The following FSD2 variants were observed in gnomAD, a reference collection of about 807,000 sequenced individuals.
FSD2 encodes the protein fibronectin type III and SPRY domain-containing protein 2.
Under a neutral mutation model 80.4 loss-of-function variants are expected in FSD2, and 71 were observed. That is an observed-to-expected ratio of 0.88 (90% CI 0.73 to 1.08). The LOEUF (loss-of-function observed/expected upper bound fraction) is 1.08, where lower values mean the gene tolerates loss of function less well. FSD2 is among the 50% of genes least tolerant of loss of function. The pLI is 0.00. For missense variants in FSD2, 923 were observed against 913.8 expected (o/e 1.01, Z -0.13); for synonymous variants, 361 against 329.5 (o/e 1.10, Z -1.03).
At chr15:82,770,752 T>C (rs543326302) in intron 7 of FSD2, among the ~76,000 whole-genome samples, 11 of 152,264 alleles carry the variant, frequency 7.2e-5, no homozygotes, top group Admixed American at 7.2e-4. Flanking sequence ...GGGGTTTGGT[T>C]ATGCAGCAAA....
rs2049242059 is a variant in FSD2 at position 82,759,574 on chromosome 15, C to G, written c.2024G>C (p.Arg675Thr). 1.3e-6 allele frequency: 2 copies of G among 1,594,922 alleles called. No individual in the cohort carries two copies. Among genetic ancestry groups the G allele is most frequent in the South Asian group, 1.1e-5 (1 of 88,034 alleles). Residue 675 changes from arginine to threonine, a missense_variant, in exon 13 of 13, where the codon AGA becomes ACA. Transcript: ENST00000334574. ...TGTTATTCTTATATCTGGAGTTGTT[C>G]TGTTGTGCAGAAATTCATACTTATG... ...SRHKYEFLHN[R>T]TTPDIRITVP...
At chr15:82,780,165 C>T in intron 5 of FSD2, 80 bp downstream of exon 5, 3 of 1,004,014 alleles carry the variant, frequency 3.0e-6, no homozygotes, top group South Asian at 3.1e-5. Flanking sequence ...AACCGTATAA[C>T]CAAATGGAAC....
At chr15:82,769,239 G>GT (rs1489350905) in intron 8 of FSD2, among the ~76,000 whole-genome samples, 1 of 152,198 alleles carries the variant, frequency 6.6e-6, no homozygotes, top group Non-Finnish European at 1.5e-5. Flanking sequence ...GAGAGTAGCA[G>GT]TTTTTTATAT....
At chr15:82,763,138 C>G (rs1390661122) in intron 11 of FSD2, among the ~76,000 whole-genome samples, 2 of 152,342 alleles carry the variant, frequency 1.3e-5, no homozygotes, top group South Asian at 4.1e-4. Context: ...TCCAGACTCA[C>G]ATTTCCACTT....
At chr15:82,772,249 A>C (rs1176543265) in intron 6 of FSD2, 21 bp from the exon 7 acceptor site, 1 of 1,594,434 alleles carries the variant, frequency 6.3e-7, no homozygotes, top group African/African-American at 1.3e-5. Flanking sequence ...AAAAGAAAAA[A>C]GAAGAGGAAC....
chr15:82,790,899 A>G (rs1202099769), intron 1 of FSD2, among the ~76,000 whole-genome samples: 1 of 150,856 alleles, frequency 6.6e-6, no homozygotes, highest in African/African-American at 2.4e-5. Context: ...GTGTTTTATT[A>G]ATTCTTTTTT....
chr15:82,797,671 G>A (rs977628901), intron 1 of FSD2, among the ~76,000 whole-genome samples: 4 of 152,104 alleles, frequency 2.6e-5, no homozygotes, highest in Non-Finnish European at 2.9e-5. Context: ...TTAGCCGGGC[G>A]TGGTGGCGGG....
chr15:82,779,770 T>G (rs141019261), intron 5 of FSD2, among the ~76,000 whole-genome samples: 1 of 152,312 alleles, frequency 6.6e-6, no homozygotes, highest in East Asian at 1.9e-4. Context: ...GGACATTTAT[T>G]TTATTTGATT....
intron 1 of FSD2, among the ~76,000 whole-genome samples, chr15:82,794,326 T>C (rs1596260545): frequency 6.6e-6 from 1 of 152,220 alleles, no homozygotes; most frequent in Non-Finnish European, 1.5e-5. Flanking sequence ...TTGCATTCCA[T>C]TGCGACCAGA....
chr15:82,762,805 G>C (rs1431741166), intron 11 of FSD2, among the ~76,000 whole-genome samples: 1 of 152,118 alleles, frequency 6.6e-6, no homozygotes, highest in African/African-American at 2.4e-5. Context: ...GTTGCACTGG[G>C]AACAATTATA....
intron 1 of FSD2, among the ~76,000 whole-genome samples, chr15:82,800,809 G>A (rs1201704922): frequency 2.6e-5 from 4 of 151,244 alleles, no homozygotes; most frequent in Non-Finnish European, 4.4e-5. Context: ...CTCCTATTTC[G>A]GGGGTCTAGG....
At position 82,769,785 on chromosome 15, in the gene FSD2, G is replaced by C. The variant is rs1307534725; in HGVS notation, c.1367C>G (p.Pro456Arg). 7 of 1,613,814 alleles carry C rather than the reference G, an allele frequency of 4.3e-6. No homozygotes were observed. The Admixed American group carries it at 1.0e-4, about 23-fold the overall frequency. Residue 456 changes from proline (P) to arginine (R), a missense_variant, in exon 8 of 13, where the codon CCC becomes CGC. Pro to Arg is a moderately radical substitution (Grantham distance 103). Transcript: ENST00000334574. ...CACTGCACGCTCGCTAGAGGGGCTG[G>C]GGCCAGCCCTGTTGTGAGCTGTGAC... is the stretch of plus-strand genomic sequence containing the variant. ...FWVTAHNRAG[P>R]SPSSERAVYM...
chr15:82,775,072 G>C (rs2049682675), intron 6 of FSD2, among the ~76,000 whole-genome samples: 1 of 151,298 alleles, frequency 6.6e-6, no homozygotes, highest in African/African-American at 2.4e-5. Context: ...CCTACTCAAA[G>C]CTCAGGGGGT....
At chr15:82,803,811 A>G (rs1187613047) in intron 1 of FSD2, among the ~76,000 whole-genome samples, 1 of 152,042 alleles carries the variant, frequency 6.6e-6, no homozygotes, top group Non-Finnish European at 1.5e-5. Flanking sequence ...CTGCTCCCCA[A>G]GATCACTGCC....
chr15:82,797,926 T>G (rs2050317245), intron 1 of FSD2, among the ~76,000 whole-genome samples: 1 of 152,188 alleles, frequency 6.6e-6, no homozygotes, highest in South Asian at 2.1e-4. Flanking sequence ...AAAAAGAGTT[T>G]AATATTCAGA....
In FSD2 at chr15:82,756,456, A is replaced by T. The variant is rs961723755; in HGVS notation, c.*2892T>A. 1 of 152,436 alleles carries T rather than the reference A, an allele frequency of 6.6e-6. No homozygotes were observed. Among genetic ancestry groups the T allele is most frequent in the Non-Finnish European group, 1.5e-5 (1 of 68,180 alleles). The allele number at this position is 152,436 out of a possible 1,614,324, so 9.4% of individuals were successfully genotyped here. A position where few individuals can be genotyped will look rare whatever the true frequency, so the allele number is the denominator to read the frequency against. On this transcript the variant is annotated 3_prime_UTR_variant, in exon 13 of 13. Transcript: ENST00000334574. ...GCTTTTTACTTTTGACCAAGTATAC[A>T]CTTCAGAAATATCTTATTGGATGTA... is the stretch of plus-strand genomic sequence containing the variant.
intron 3 of FSD2, among the ~76,000 whole-genome samples, 161 bp from the exon 4 acceptor site, chr15:82,783,186 C>T (rs566669763): frequency 1.1e-4 from 17 of 152,118 alleles, no homozygotes; most frequent in African/African-American, 9.6e-5. Context: ...GCAACCTCTG[C>T]CCCCCAGGTT....
At chr15:82,765,370 G>T in intron 10 of FSD2, 72 bp from the exon 11 acceptor site, 3 of 1,597,594 alleles carry the variant, frequency 1.9e-6, no homozygotes, top group Non-Finnish European at 2.6e-6. Context: ...GTGGTCACCG[G>T]TTTAGCTTCG....
In FSD2 at chr15:82,762,264, A is replaced by T; in HGVS notation, c.1835T>A (p.Met612Lys). The T allele has an allele frequency of 6.2e-7, 1 of 1,613,846 alleles. No individual in the cohort carries two copies. Among genetic ancestry groups the T allele is most frequent in the Non-Finnish European group, 8.5e-7 (1 of 1,179,814 alleles). ...DTHFTRCVAV[M>K]GNLIPVRGHH... ...CCCTCGGACTGGAATTAGATTTCCC[A>T]TGACAGCAACACACCTGGTTTTAGA... The change falls in exon 12 of 13, where the codon ATG becomes AAG. Residue 612 changes from methionine (M) to lysine (K), a missense_variant. Physicochemically the swap from Met to Lys is moderately conservative, Grantham distance 95. Coordinates refer to ENST00000334574, the MANE Select transcript of FSD2 (RefSeq NM_001007122.4).
Sources: gnomAD v4.1 joint callset for allele counts (sites outside exome capture counted in the v4.1 genomes callset) on GRCh38, gnomAD v4.1.1 for gene constraint, MANE v1.5 for transcripts, NCBI Gene and HGNC (gene_info 2026-07-23, HGNC 2026-07-21) for gene names.